The following NELL2 variants were observed in gnomAD, a reference collection of about 807,000 sequenced individuals.
The protein encoded by NELL2 is protein kinase C-binding protein NELL2.
A neutral mutation model predicts 109.6 loss-of-function variants in NELL2; 41 were observed. The ratio of observed to expected loss-of-function variants is 0.37; its 90% CI spans 0.29 to 0.49. NELL2 has a LOEUF of 0.49. Ranked by LOEUF, NELL2 falls within the 20% of genes least tolerant of loss-of-function variation. NELL2 has a pLI of 0.98. For missense variants in NELL2, 900 were observed against 1,008.3 expected (o/e 0.89, Z 1.45); for synonymous variants, 355 against 344.7 (o/e 1.03, Z -0.33).
At chr12:44,817,386 C>A (rs1211609204) in intron 2 of NELL2, among the ~76,000 whole-genome samples, 2 of 152,128 alleles carry the variant, frequency 1.3e-5, no homozygotes, top group African/African-American at 2.4e-5. Context: ...AATACACAGA[C>A]ATGGAGAGCA....
intron 9 of NELL2, among the ~76,000 whole-genome samples, chr12:44,762,976 T>C (rs1286777128): frequency 6.6e-6 from 1 of 152,204 alleles, no homozygotes; most frequent in Non-Finnish European, 1.5e-5. Flanking sequence ...TTCTAGATCA[T>C]TTCAAGAAAT....
intron 13 of NELL2, among the ~76,000 whole-genome samples, chr12:44,652,215 C>A (rs1859916089): frequency 6.6e-6 from 1 of 152,136 alleles, no homozygotes; most frequent in Non-Finnish European, 1.5e-5. Context: ...CCATGTAAAT[C>A]TACATTTTTT....
At chr12:44,833,944 C>G (rs1943967107) in intron 2 of NELL2, among the ~76,000 whole-genome samples, 1 of 152,112 alleles carries the variant, frequency 6.6e-6, no homozygotes, top group Non-Finnish European at 1.5e-5. Context: ...TTCTTCCATC[C>G]CAGCATTTCC....
intron 9 of NELL2, among the ~76,000 whole-genome samples, chr12:44,718,890 A>T (rs572153236): frequency 6.6e-6 from 1 of 152,318 alleles, no homozygotes; most frequent in African/African-American, 2.4e-5. Context: ...GTGCATTCAC[A>T]TCATGGTCTG....
At chr12:44,587,134 T>C (rs1371026849) in intron 15 of NELL2, among the ~76,000 whole-genome samples, 1 of 151,256 alleles carries the variant, frequency 6.6e-6, no homozygotes, top group Non-Finnish European at 1.5e-5. Flanking sequence ...TAGATGGGCA[T>C]GGTGGCACAC....
intron 3 of NELL2, among the ~76,000 whole-genome samples, chr12:44,791,099 A>G (rs1444614299): frequency 1.9e-4 from 6 of 31,132 alleles, no homozygotes; most frequent in African/African-American, 8.7e-4. Context: ...ATATATATGT[A>G]TATATATATG....
chr12:44,680,991 C>A (rs1334596518), intron 12 of NELL2, among the ~76,000 whole-genome samples: 2 of 151,940 alleles, frequency 1.3e-5, no homozygotes, highest in Admixed American at 6.6e-5. Flanking sequence ...CAAAGCTAAA[C>A]TTATTTTCTT....
chr12:44,691,175 T>C (rs933546161), intron 12 of NELL2, among the ~76,000 whole-genome samples: 2 of 152,178 alleles, frequency 1.3e-5, no homozygotes, highest in Non-Finnish European at 2.9e-5. Flanking sequence ...GAACTGAAGG[T>C]TTGTGACAAC....
rs2136849103 is a variant in NELL2, at chr12:44,876,187, C to A, written c.-318G>T. 8.1e-7 allele frequency: 1 copy of A among 1,227,210 alleles called. No individual in the cohort carries two copies. The highest frequency in any genetic ancestry group is 3.8e-5 in the East Asian group (1 of 25,982). 76.0% of individuals were successfully genotyped at this position (1,227,210 alleles called of 1,614,324 possible). ...TCCGTCGGGGAATTAGCTCCCGAGC[C>A]GAATAAAAGCAGCCAAAGACTCGCA... On this transcript the variant is annotated 5_prime_UTR_variant, in exon 1 of 20. Transcript: ENST00000429094.
chr12:44,791,065 GTATATA>G (rs201689169), intron 3 of NELL2, among the ~76,000 whole-genome samples: 1 of 43,252 alleles, frequency 2.3e-5, no homozygotes, highest in Non-Finnish European at 4.1e-5. Flanking sequence ...GAAAGTTCAA[GTATATA>G]TATATATATA....
chr12:44,663,648 A>G (rs1382981846), intron 13 of NELL2, among the ~76,000 whole-genome samples: 1 of 152,230 alleles, frequency 6.6e-6, no homozygotes, highest in Non-Finnish European at 1.5e-5. Context: ...GTCAAAAACA[A>G]ACATTAATTT....
In NELL2 at chr12:44,592,856, C is replaced by T. The variant is rs144476297; in HGVS notation, c.1663+14313G>A. Among the ~76,000 whole-genome samples the T allele has an allele frequency of 2.6e-3, 403 of 152,258 alleles. 1 individual carries two copies. The highest frequency in any genetic ancestry group is 4.7e-3 in the Non-Finnish European group (318 of 68,016). Reference sequence around the variant, plus strand: ...CTTCATTAGCTTAATGGAAAATCTGCCTCTCATTTTGTGAGAAGAAATAGC... The same window carrying T: ...CTTCATTAGCTTAATGGAAAATCTGTCTCTCATTTTGTGAGAAGAAATAGC... On this transcript the variant is annotated intron_variant, in intron 15 of 19. Transcript: ENST00000429094.
chr12:44,641,682 GTTTCTCCTT>G (rs1946861451), intron 13 of NELL2, among the ~76,000 whole-genome samples: 1 of 131,880 alleles, frequency 7.6e-6, no homozygotes, highest in African/African-American at 2.8e-5. Context: ...ACTTGTACTA[GTTTCTCCTT>G]TTTTTTTTTT....
chr12:44,651,990 A>G (rs1947315706), intron 13 of NELL2, among the ~76,000 whole-genome samples: 1 of 152,206 alleles, frequency 6.6e-6, no homozygotes, highest in Admixed American at 6.5e-5. Flanking sequence ...CTGGAAATCC[A>G]GATTTTAATG....
chr12:44,838,021 T>C (rs1173118871), intron 2 of NELL2, among the ~76,000 whole-genome samples: 5 of 152,170 alleles, frequency 3.3e-5, no homozygotes, highest in Non-Finnish European at 5.9e-5. Context: ...GAATCCTTGA[T>C]TGTAATGTTG....
intron 2 of NELL2, among the ~76,000 whole-genome samples, chr12:44,818,784 G>A (rs1164494198): frequency 5.7e-5 from 7 of 123,564 alleles, no homozygotes; most frequent in Admixed American, 1.0e-4. Flanking sequence ...CGCCCAGGCC[G>A]GACTGCGGAC....
intron 9 of NELL2, among the ~76,000 whole-genome samples, chr12:44,723,621 A>G (rs1185686838): frequency 6.6e-6 from 1 of 152,136 alleles, no homozygotes; most frequent in Non-Finnish European, 1.5e-5. Flanking sequence ...TAGAATTTCC[A>G]GTATAAGTTT....
At chr12:44,867,614 A>T (rs1426184007) in intron 2 of NELL2, among the ~76,000 whole-genome samples, 2 of 152,196 alleles carry the variant, frequency 1.3e-5, no homozygotes, top group Admixed American at 1.3e-4. Flanking sequence ...ATAGTACTGT[A>T]AGTCCTAGAC....
chr12:44,740,937 A>C (rs1021445717), intron 9 of NELL2, among the ~76,000 whole-genome samples: 22 of 152,222 alleles, frequency 1.4e-4, no homozygotes, highest in African/African-American at 5.3e-4. Flanking sequence ...TCATAATAAA[A>C]AATATAGCAA....
Sources: allele counts gnomAD v4.1 joint callset (sites outside exome capture counted in the v4.1 genomes callset), GRCh38; gene constraint gnomAD v4.1.1; transcripts MANE v1.5; gene names NCBI Gene and HGNC (gene_info 2026-07-23, HGNC 2026-07-21).